The following RGS12 variants were observed in gnomAD, a reference collection of about 807,000 sequenced individuals.
RGS12 encodes the protein regulator of G protein signaling 12.
RGS12 carries 66 observed loss-of-function variants against 120.1 expected under a neutral mutation model. The ratio of observed to expected loss-of-function variants is 0.55; its 90% CI spans 0.45 to 0.67. The LOEUF (loss-of-function observed/expected upper bound fraction) is 0.67, where lower values mean the gene tolerates loss of function less well. Among genes scored for constraint, RGS12 ranks in the 30% least tolerant of loss-of-function variants. The pLI is 0.00. For missense variants in RGS12, 1,859 were observed against 1,957.7 expected (o/e 0.95, Z 0.95); for synonymous variants, 827 against 804.7 (o/e 1.03, Z -0.47).
chr4:3,371,922 C>T (rs967675177), intron 3 of RGS12, among the ~76,000 whole-genome samples: 5 of 152,132 alleles, frequency 3.3e-5, no homozygotes, highest in African/African-American at 7.2e-5. Flanking sequence ...GAGCTGTTGC[C>T]CGACTCCATT....
chr4:3,325,026 C>A (rs1049368043), intron 2 of RGS12, among the ~76,000 whole-genome samples: 1 of 151,998 alleles, frequency 6.6e-6, no homozygotes, highest in Non-Finnish European at 1.5e-5. Flanking sequence ...GAAATTAGTG[C>A]TTTGGTCAAA....
At chr4:3,321,165 A>T (rs112676144) in intron 2 of RGS12, among the ~76,000 whole-genome samples, 2,949 of 152,296 alleles carry the variant, frequency 0.019, 82 homozygotes, top group African/African-American at 0.057. Flanking sequence ...AAGGAAAAGA[A>T]GGTTAGCTGC....
chr4:3,333,141 C>G (rs1712057597), intron 2 of RGS12, among the ~76,000 whole-genome samples: 1 of 152,022 alleles, frequency 6.6e-6, no homozygotes, highest in Non-Finnish European at 1.5e-5. Flanking sequence ...CTCCGTCCCC[C>G]AGGGTTCACG....
In RGS12 at chr4:3,416,987, G is replaced by A. The variant is rs60154162; in HGVS notation, c.2502G>A (p.Ala834=). ...CGCTGTACCAGGAATGCATCCTGGCGGAAGTGGAGGGCCGTGCACTCCCGG... is the reference window on the plus strand; with the variant it reads ...CGCTGTACCAGGAATGCATCCTGGCAGAAGTGGAGGGCCGTGCACTCCCGG... ...KSPLYQECIL[A]EVEGRALPDS... The change falls in exon 8 of 18, where the codon GCG becomes GCA. Residue 834 remains alanine (A), a synonymous_variant. Coordinates refer to ENST00000336727, the MANE Select transcript of RGS12 (RefSeq NM_001394154.1). 2,187 of 1,613,356 alleles carry A rather than the reference G, an allele frequency of 1.4e-3. 18 individuals carry two copies. The African/African-American group carries it at 0.022, about 17-fold the overall frequency.
At chr4:3,380,715 A>G (rs1219717334) in intron 3 of RGS12, among the ~76,000 whole-genome samples, 1 of 152,126 alleles carries the variant, frequency 6.6e-6, no homozygotes, top group Non-Finnish European at 1.5e-5. Flanking sequence ...CCATGGCTGG[A>G]GCTGAAGCAG....
chr4:3,306,823 G>A (rs548227572), intron 1 of RGS12, among the ~76,000 whole-genome samples: 4 of 152,282 alleles, frequency 2.6e-5, no homozygotes, highest in African/African-American at 9.6e-5. Flanking sequence ...TTGTGAACCC[G>A]GCAAGTAGCA....
At chr4:3,349,676 T>C (rs1424902831) in intron 3 of RGS12, among the ~76,000 whole-genome samples, 2 of 152,190 alleles carry the variant, frequency 1.3e-5, no homozygotes, top group East Asian at 3.8e-4. Context: ...GTAACTGTAA[T>C]TTTTAGTGAA....
Position 3,423,026 on chromosome 4 carries a change from C to G in RGS12, c.3107+48C>G, listed in dbSNP as rs750573771. 4.9e-5 allele frequency: 73 copies of G among 1,481,758 alleles called. 1 individual carries two copies. The South Asian group carries it at 7.9e-4, about 16-fold the overall frequency. 91.8% of individuals were successfully genotyped at this position (1,481,758 alleles called of 1,614,324 possible). Reference sequence around the variant, plus strand: ...TCACCTGAGGCTCCCAGAGCCAACCCCGTGTGCCCACCACCTGCTGGTCTC... The same window carrying G: ...TCACCTGAGGCTCCCAGAGCCAACCGCGTGTGCCCACCACCTGCTGGTCTC... On this transcript the variant is annotated intron_variant, in intron 12 of 17. Coordinates refer to ENST00000336727, the MANE Select transcript of RGS12 (RefSeq NM_001394154.1).
chr4:3,346,913 C>CA (rs1471360523), intron 3 of RGS12, among the ~76,000 whole-genome samples: 2 of 152,046 alleles, frequency 1.3e-5, no homozygotes, highest in African/African-American at 4.8e-5. Context: ...TGCACGTTCT[C>CA]AAATTTGAGA....
intron 2 of RGS12, among the ~76,000 whole-genome samples, chr4:3,328,463 A>G (rs1186018824): frequency 6.6e-6 from 1 of 152,220 alleles, no homozygotes; most frequent in Admixed American, 6.5e-5. Flanking sequence ...CTCCCTCAAC[A>G]TGCGATGCCC....
upstream of RGS12, among the ~76,000 whole-genome samples, chr4:3,292,727 G>A (rs185091625): frequency 1.5e-3 from 229 of 152,350 alleles, no homozygotes; most frequent in African/African-American, 4.8e-3. Flanking sequence ...CACCAGGGCC[G>A]GGCCAGTGCG....
At chr4:3,324,001 G>C (rs1219892296) in intron 2 of RGS12, 1 of 152,310 alleles carries the variant, frequency 6.6e-6, no homozygotes, top group African/African-American at 2.4e-5. Context: ...GGCAGGTTCT[G>C]TGGCCTTTGC....
intron 17 of RGS12, chr4:3,431,945 G>A: frequency 1.0e-6 from 1 of 985,446 alleles, no homozygotes; most frequent in Non-Finnish European, 1.2e-6. Context: ...GTACATATCT[G>A]GGCCTTTGGA....
In RGS12 at chr4:3,430,707, C is replaced by A. The variant is rs755111238; in HGVS notation, c.3866C>A (p.Pro1289His). The change falls in exon 17 of 18, where the codon CCC (proline) becomes CAC (histidine). Residue 1289 changes from proline to histidine, a missense_variant. Physicochemically the swap from Pro to His is moderately conservative, Grantham distance 77 (BLOSUM62 -2). Around this residue, in one of 3 missense-constraint regions of RGS12, gnomAD observed 517 missense variants for 488.5 expected, o/e 1.06. Coordinates refer to ENST00000336727, the MANE Select transcript of RGS12 (RefSeq NM_001394154.1). The part of the protein sequence containing the change: ...SSPPGPPGTT[P>H]PGQKSPSGPF... ...CCCCCTGGACCTCCTGGGACGACCC[C>A]CCCCGGGCAGAAGTCTCCCAGCGGG... 2.2e-5 allele frequency: 34 copies of A among 1,579,198 alleles called. No homozygotes were observed. Among genetic ancestry groups the A allele is most frequent in the Non-Finnish European group, 2.8e-5 (32 of 1,162,584 alleles).
chr4:3,383,936 C>T (rs1401880237), intron 3 of RGS12, among the ~76,000 whole-genome samples: 1 of 152,222 alleles, frequency 6.6e-6, no homozygotes, highest in Non-Finnish European at 1.5e-5. Flanking sequence ...GATGTAAATG[C>T]TGCGTGTATA....
chr4:3,373,604 C>T (rs549238267), intron 3 of RGS12, among the ~76,000 whole-genome samples: 14 of 152,334 alleles, frequency 9.2e-5, no homozygotes, highest in Admixed American at 2.6e-4. Context: ...TTTGGGACCC[C>T]GAAGTGCAGT....
At chr4:3,403,331 G>A (rs112514391) in intron 4 of RGS12, among the ~76,000 whole-genome samples, 4 of 152,282 alleles carry the variant, frequency 2.6e-5, no homozygotes, top group South Asian at 2.1e-4. Context: ...ACTATATCTC[G>A]AGGGGTCCGT....
At chr4:3,413,314 G>C (rs1478993565) in intron 4 of RGS12, 4 of 152,262 alleles carry the variant, frequency 2.6e-5, no homozygotes, top group African/African-American at 9.6e-5. Context: ...GGCTACTGAG[G>C]GCCGTTTTGC....
intron 2 of RGS12, among the ~76,000 whole-genome samples, chr4:3,320,748 A>T (rs986377887): frequency 2.4e-4 from 36 of 152,174 alleles, no homozygotes; most frequent in African/African-American, 7.7e-4. Flanking sequence ...CTCCCCAGTT[A>T]GAGCAGCAGA....
Sources: gnomAD v4.1 joint callset for allele counts (sites outside exome capture counted in the v4.1 genomes callset) on GRCh38, gnomAD v4.1.1 for gene constraint, gnomAD v4.1.1 regional missense constraint, MANE v1.5 for transcripts, NCBI Gene and HGNC (gene_info 2026-07-23, HGNC 2026-07-21) for gene names.